KCNAB1: variants seen among roughly 807,000 people sequenced by gnomAD.
KCNAB1 encodes the protein potassium voltage-gated channel subfamily A regulatory beta subunit 1.
A neutral mutation model predicts 64.6 loss-of-function variants in KCNAB1; 35 were observed. The observed-to-expected ratio is 0.54, with a 90% confidence interval of 0.41 to 0.72. KCNAB1 has a LOEUF of 0.72. Among genes scored for constraint, KCNAB1 ranks in the 30% least tolerant of loss-of-function variants. KCNAB1 has a pLI of 0.00. For synonymous variants in KCNAB1, 177 were observed against 183.8 expected (o/e 0.96, Z 0.30); for missense variants, 401 against 512.9 (o/e 0.78, Z 2.11).
chr3:156,413,215 C>T (rs889825583), intron 1 of KCNAB1, among the ~76,000 whole-genome samples: 8 of 152,176 alleles, frequency 5.3e-5, no homozygotes, highest in Admixed American at 2.6e-4. Flanking sequence ...AGCAGGTTCA[C>T]GAGCTCCAGC....
chr3:156,369,945 A>G (rs1726191065), intron 1 of KCNAB1, among the ~76,000 whole-genome samples: 1 of 152,228 alleles, frequency 6.6e-6, no homozygotes. Flanking sequence ...TTAAAAGCCA[A>G]AGATACACTA....
At chr3:156,515,014 A>C (rs970325793) in intron 9 of KCNAB1, 86 bp from the exon 10 acceptor site, 22 of 1,357,796 alleles carry the variant, frequency 1.6e-5, no homozygotes, top group Non-Finnish European at 2.1e-5. Flanking sequence ...GATTTCACCA[A>C]AGTAAACATT....
chr3:156,347,110 G>T lies in KCNAB1; in HGVS notation c.276-74506G>T, dbSNP rs1724530588. ...GTATTTATTAATTTATTACGCTTAA[G>T]GTTAAAAAAGGTAACACAAATTTTA... On this transcript the variant is annotated intron_variant, in intron 1 of 13. Transcript: ENST00000490337. 2.6e-5 allele frequency among the ~76,000 whole-genome samples: 4 copies of T among 151,970 alleles called. No homozygotes were observed. The South Asian group carries it at 8.3e-4, about 32-fold the overall frequency.
In KCNAB1 at chr3:156,348,749, C is replaced by T. The variant is rs527252690; in HGVS notation, c.276-72867C>T. Among the ~76,000 whole-genome samples, 4 of 152,236 alleles carry T rather than the reference C, an allele frequency of 2.6e-5. No homozygotes were observed. In the South Asian group the frequency reaches 8.3e-4, roughly 32 times the overall value. Reference sequence around the variant, plus strand: ...GAATCCATGGGAATGGATGTGATTTCCCAGGAAGCATGTATCTAGGACTGA... The same window carrying T: ...GAATCCATGGGAATGGATGTGATTTTCCAGGAAGCATGTATCTAGGACTGA... On this transcript the variant is annotated intron_variant, in intron 1 of 13. Transcript: ENST00000490337.
intron 1 of KCNAB1, among the ~76,000 whole-genome samples, chr3:156,231,754 C>T (rs780259060): frequency 3.3e-5 from 5 of 152,084 alleles, no homozygotes. Flanking sequence ...TTCAGATAAA[C>T]TCAACCAATT....
chr3:156,422,107 T>G (rs78506599), intron 2 of KCNAB1, among the ~76,000 whole-genome samples: 9,003 of 152,248 alleles, frequency 0.059, 359 homozygotes, highest in Non-Finnish European at 0.088. Context: ...CTTAAATATT[T>G]GGGGGGGCAA....
At chr3:156,201,996 G>T (rs931665743) in intron 1 of KCNAB1, among the ~76,000 whole-genome samples, 1 of 152,136 alleles carries the variant, frequency 6.6e-6, no homozygotes, top group Non-Finnish European at 1.5e-5. Context: ...CAGACCAAGG[G>T]GTTCTCAGGT....
intron 2 of KCNAB1, among the ~76,000 whole-genome samples, chr3:156,442,986 T>C (rs914376564): frequency 3.3e-5 from 5 of 152,098 alleles, no homozygotes; most frequent in Non-Finnish European, 5.9e-5. Context: ...GGCAAACATA[T>C]GGAGTTCTTC....
chr3:156,333,515 T>C lies in KCNAB1; in HGVS notation c.276-88101T>C, dbSNP rs376434363. 3.3e-5 allele frequency among the ~76,000 whole-genome samples: 5 copies of C among 152,260 alleles called. No homozygotes were observed. In the East Asian group the frequency reaches 7.7e-4, roughly 23 times the overall value. On this transcript the variant is annotated intron_variant, in intron 1 of 13. Transcript: ENST00000490337. ...TATTCTTTGTGTAGCTATATTATAA[T>C]TGACGTAGAGACTTCATATCAATGA...
Position 156,296,340 on chromosome 3 carries a change from G to A in KCNAB1, c.276-125276G>A, listed in dbSNP as rs1019117040. Among the ~76,000 whole-genome samples, 12 of 151,832 alleles carry A rather than the reference G, an allele frequency of 7.9e-5. 1 individual carries two copies. In the East Asian group the frequency reaches 2.1e-3, roughly 27 times the overall value. ...GCTTCTGTCATTCAGAATTGAGCAC[G>A]TTTGTACTGATAAACTCCCTCCTCC... On this transcript the variant is annotated intron_variant, in intron 1 of 13. Transcript: ENST00000490337.
In KCNAB1 at chr3:156,176,754, C is replaced by G. The variant is rs1161291949; in HGVS notation, c.275+55868C>G. ...CATGATTGGGGCTTGAAGGGAGGAA[C>G]ACCTCGGAGGTCCTGCTTGCAGCAA... On this transcript the variant is annotated intron_variant, in intron 1 of 13. Coordinates refer to ENST00000490337, the MANE Select transcript of KCNAB1 (RefSeq NM_172160.3). 2.7e-5 allele frequency: 25 copies of G among 909,424 alleles called. No homozygotes were observed. The East Asian group carries it at 5.7e-4, about 21-fold the overall frequency. 56.3% of individuals were successfully genotyped at this position (909,424 alleles called of 1,614,324 possible).
At chr3:156,317,634 G>T (rs1722368514) in intron 1 of KCNAB1, among the ~76,000 whole-genome samples, 2 of 152,078 alleles carry the variant, frequency 1.3e-5, no homozygotes, top group Non-Finnish European at 2.9e-5. Flanking sequence ...ATTCCACCTA[G>T]CGGAAGAGAA....
chr3:156,466,928 C>T (rs111476884), intron 7 of KCNAB1, among the ~76,000 whole-genome samples: 2,914 of 152,078 alleles, frequency 0.019, 118 homozygotes, highest in African/African-American at 0.067. Flanking sequence ...TATACTAGTT[C>T]GTGAAGTACA....
chr3:156,254,813 T>C (rs1718012961), intron 1 of KCNAB1, among the ~76,000 whole-genome samples: 1 of 152,214 alleles, frequency 6.6e-6, no homozygotes, highest in South Asian at 2.1e-4. Flanking sequence ...CTCCTTTCCA[T>C]CCTCCAGTCT....
At chr3:156,434,912 A>G (rs1396793786) in intron 2 of KCNAB1, among the ~76,000 whole-genome samples, 2 of 152,184 alleles carry the variant, frequency 1.3e-5, no homozygotes, top group Non-Finnish European at 2.9e-5. Flanking sequence ...GTTTTAATTT[A>G]TGTTCTCTTT....
chr3:156,281,019 G>C (rs899354447), intron 1 of KCNAB1, among the ~76,000 whole-genome samples: 19 of 151,546 alleles, frequency 1.3e-4, no homozygotes, highest in Admixed American at 1.0e-3. Context: ...GGAGTGGTGA[G>C]AGAGGACATC....
chr3:156,201,170 A>G (rs749454407), intron 1 of KCNAB1, among the ~76,000 whole-genome samples: 2 of 152,188 alleles, frequency 1.3e-5, no homozygotes, highest in African/African-American at 4.8e-5. Context: ...TCCCAATGAG[A>G]TGAACCAAGT....
chr3:156,220,052 CT>C (rs553977657), intron 1 of KCNAB1, among the ~76,000 whole-genome samples: 202 of 152,180 alleles, frequency 1.3e-3, no homozygotes, highest in African/African-American at 4.7e-3. Context: ...TGAACTCATC[CT>C]TTTTTATGGC....
At chr3:156,530,555 T>C (rs1317820093) in intron 12 of KCNAB1, among the ~76,000 whole-genome samples, 3 of 152,122 alleles carry the variant, frequency 2.0e-5, no homozygotes, top group African/African-American at 4.8e-5. Context: ...CGTGAACGCA[T>C]AGGGGCACCA....
Sources: gnomAD v4.1 joint callset for allele counts (sites outside exome capture counted in the v4.1 genomes callset) on GRCh38, gnomAD v4.1.1 for gene constraint, MANE v1.5 for transcripts, NCBI Gene and HGNC (gene_info 2026-07-23, HGNC 2026-07-21) for gene names.